The following KCNH8 variants were observed in gnomAD, a reference collection of about 807,000 sequenced individuals.
KCNH8 encodes potassium voltage-gated channel subfamily H member 8, also known as voltage-gated delayed rectifier potassium channel KCNH8.
Under a neutral mutation model 103.6 loss-of-function variants are expected in KCNH8, and 70 were observed. The ratio of observed to expected loss-of-function variants is 0.68; its 90% CI spans 0.56 to 0.82. The LOEUF is 0.82. Among genes scored for constraint, KCNH8 ranks in the 40% least tolerant of loss-of-function variants. The pLI, the probability that KCNH8 is intolerant of heterozygous loss-of-function variation, is 0.00. For synonymous variants in KCNH8, 498 were observed against 489.4 expected (o/e 1.02, Z -0.23); for missense variants, 1,217 against 1,329.9 (o/e 0.92, Z 1.32).
At chr3:19,318,662 T>TGTGTACACACAC (rs1491117852) in intron 3 of KCNH8, among the ~76,000 whole-genome samples, 2 of 142,522 alleles carry the variant, frequency 1.4e-5, no homozygotes, top group African/African-American at 5.2e-5. Context: ...TGTGTGTGTG[T>TGTGTACACACAC]ACACACACAC....
intron 1 of KCNH8, among the ~76,000 whole-genome samples, chr3:19,196,742 A>C (rs550403384): frequency 6.6e-6 from 1 of 152,048 alleles, no homozygotes; most frequent in Non-Finnish European, 1.5e-5. Context: ...AGAATCCAAA[A>C]AAATCCAACT....
chr3:19,280,931 A>G (rs2064748388), intron 2 of KCNH8, among the ~76,000 whole-genome samples: 1 of 152,130 alleles, frequency 6.6e-6, no homozygotes, highest in South Asian at 2.1e-4. Context: ...TGCAGTTTGA[A>G]TAATGTAAGC....
At chr3:19,395,452 C>A (rs1449110445) in intron 7 of KCNH8, 141 bp downstream of exon 7, 2 of 581,804 alleles carry the variant, frequency 3.4e-6, no homozygotes, top group Non-Finnish European at 5.8e-6. Context: ...ATTTTTGAAT[C>A]CATGACACAA....
chr3:19,375,291 G>T (rs2066175207), intron 5 of KCNH8, among the ~76,000 whole-genome samples: 1 of 149,666 alleles, frequency 6.7e-6, no homozygotes, highest in Non-Finnish European at 1.5e-5. Context: ...ATTTCTTGGA[G>T]GCTTTGCTCA....
chr3:19,175,434 C>T (rs912066453), intron 1 of KCNH8, among the ~76,000 whole-genome samples: 5 of 152,070 alleles, frequency 3.3e-5, no homozygotes, highest in Admixed American at 6.5e-5. Flanking sequence ...TGGTCTCGAT[C>T]TCCTGACCTC....
rs185562046 is a variant in KCNH8, at chr3:19,175,230, T to C, written c.76+26435T>C. ...AATAACTGTTTTGTAATTTTTTTTT[T>C]TTTTTTTTTGAGACGGAGTCTCGCT... On this transcript the variant is annotated intron_variant, in intron 1 of 15. Transcript: ENST00000328405. Among the ~76,000 whole-genome samples the C allele has an allele frequency of 7.7e-3, 1,164 of 151,248 alleles. 13 individuals carry two copies. The highest frequency in any genetic ancestry group is 0.026 in the African/African-American group (1,072 of 41,240).
intron 3 of KCNH8, among the ~76,000 whole-genome samples, chr3:19,328,498 A>G (rs2065462109): frequency 6.6e-6 from 1 of 152,092 alleles, no homozygotes; most frequent in Non-Finnish European, 1.5e-5. Context: ...ACAACTGGCA[A>G]TTTTTCAATA....
At chr3:19,374,975 G>A (rs1294476809) in intron 5 of KCNH8, among the ~76,000 whole-genome samples, 12 of 151,968 alleles carry the variant, frequency 7.9e-5, no homozygotes, top group Admixed American at 3.9e-4. Context: ...CGAGAGATCC[G>A]CTGTTAGTCT....
chr3:19,167,148 A>G (rs780248456), intron 1 of KCNH8, among the ~76,000 whole-genome samples: 2 of 152,234 alleles, frequency 1.3e-5, no homozygotes, highest in African/African-American at 2.4e-5. Context: ...GAAATTCAAC[A>G]TTATTTGGTT....
chr3:19,451,988 A>G (rs1490795217), intron 10 of KCNH8, among the ~76,000 whole-genome samples: 1 of 152,224 alleles, frequency 6.6e-6, no homozygotes, highest in East Asian at 1.9e-4. Flanking sequence ...CAATATTAAT[A>G]CATAATTGGT....
intron 5 of KCNH8, among the ~76,000 whole-genome samples, chr3:19,387,498 T>C (rs1333688467): frequency 6.6e-6 from 1 of 152,168 alleles, no homozygotes; most frequent in Non-Finnish European, 1.5e-5. Context: ...TCAATGAGTG[T>C]GAAAAAGTGT....
intron 11 of KCNH8, among the ~76,000 whole-genome samples, chr3:19,501,621 C>T (rs1231344871): frequency 6.6e-6 from 1 of 152,192 alleles, no homozygotes; most frequent in Non-Finnish European, 1.5e-5. Flanking sequence ...GCTGGTTCAA[C>T]ATACGCAAAT....
intron 7 of KCNH8, among the ~76,000 whole-genome samples, chr3:19,401,106 C>T (rs927454409): frequency 1.3e-5 from 2 of 151,882 alleles, no homozygotes; most frequent in Non-Finnish European, 2.9e-5. Flanking sequence ...CCTTAATGTG[C>T]ACTGGAATGA....
At chr3:19,392,331 AAAAG>A (rs1267783727) in intron 6 of KCNH8, among the ~76,000 whole-genome samples, 53 of 150,442 alleles carry the variant, frequency 3.5e-4, no homozygotes, top group Admixed American at 1.7e-3. Flanking sequence ...AAAAAAAAAA[AAAAG>A]AAAAGAAAAA....
chr3:19,504,605 G>C (rs193104953), intron 11 of KCNH8, among the ~76,000 whole-genome samples: 26 of 152,220 alleles, frequency 1.7e-4, no homozygotes, highest in Non-Finnish European at 2.9e-4. Flanking sequence ...GATCATTAGA[G>C]AAATGCAAAT....
chr3:19,513,303 G>A lies in KCNH8; in HGVS notation c.2413G>A (p.Gly805Arg). 1 of 1,604,426 alleles carries A rather than the reference G, an allele frequency of 6.2e-7. No homozygotes were observed. The highest frequency in any genetic ancestry group is 1.1e-5 in the South Asian group (1 of 89,602). The change falls in exon 13 of 16, where the codon GGA becomes AGA. Residue 805 changes from glycine (G) to arginine (R), a missense_variant. Physicochemically the swap from Gly to Arg is moderately radical, Grantham distance 125. Around this residue, in one of 3 missense-constraint regions of KCNH8, gnomAD observed 558 missense variants for 495.8 expected, o/e 1.13. Transcript: ENST00000328405. ...KLQLSTLNNA[G>R]PPDLSPRIVD... ...GCAACTTTCAACTTTGAATAATGCTGGACCCCCAGACCTCAGTCCAAGGTA... is the reference window on the plus strand; with the variant it reads ...GCAACTTTCAACTTTGAATAATGCTAGACCCCCAGACCTCAGTCCAAGGTA...
intron 10 of KCNH8, among the ~76,000 whole-genome samples, chr3:19,456,315 G>C (rs1161015692): frequency 6.6e-6 from 1 of 151,898 alleles, no homozygotes; most frequent in Non-Finnish European, 1.5e-5. Context: ...TTCTTTTACT[G>C]TCAAATCTGA....
intron 1 of KCNH8, among the ~76,000 whole-genome samples, chr3:19,174,724 CTAGTGGTGTCTAGCA>C (rs2063380898): frequency 6.6e-6 from 1 of 152,104 alleles, no homozygotes; most frequent in Non-Finnish European, 1.5e-5. Flanking sequence ...CACTATTCTC[CTAGTGGTGTCTAGCA>C]TAGGAGATGG....
At chr3:19,350,372 A>G (rs2065783799) in intron 5 of KCNH8, among the ~76,000 whole-genome samples, 1 of 152,098 alleles carries the variant, frequency 6.6e-6, no homozygotes, top group Non-Finnish European at 1.5e-5. Flanking sequence ...AGCTTTGAAG[A>G]GAGGAGCGGT....
Sources: gnomAD v4.1 joint callset for allele counts (sites outside exome capture counted in the v4.1 genomes callset) on GRCh38, gnomAD v4.1.1 for gene constraint, gnomAD v4.1.1 regional missense constraint, MANE v1.5 for transcripts, NCBI Gene and HGNC (gene_info 2026-07-23, HGNC 2026-07-21) for gene names.